NFATC1: variants seen among roughly 807,000 people sequenced by gnomAD.
NFATC1 encodes nuclear factor of activated T cells 1.
In NFATC1, 22 loss-of-function variants were observed where a neutral mutation model predicts 76.0. The observed-to-expected ratio is 0.29, with a 90% confidence interval of 0.21 to 0.41. The LOEUF is 0.41. Ranked by LOEUF, NFATC1 falls within the 10% of genes least tolerant of loss-of-function variation. The pLI, the probability that NFATC1 is intolerant of heterozygous loss-of-function variation, is 1.00. For missense variants in NFATC1, 1,357 were observed against 1,337.7 expected (o/e 1.01, Z -0.23); for synonymous variants, 704 against 613.1 (o/e 1.15, Z -2.19).
In NFATC1 at chr18:79,428,473, C is replaced by T. The variant is rs536696681; in HGVS notation, c.1227-5106C>T. 1.1e-3 allele frequency among the ~76,000 whole-genome samples: 162 copies of T among 152,324 alleles called. 2 individuals are homozygous for T. Among genetic ancestry groups the T allele is most frequent in the Non-Finnish European group, 6.6e-4 (45 of 68,034 alleles). Reference sequence around the variant, plus strand: ...TGCCTCCAGGGAGCCTCACGATGCTCACGCCTCTGACCAGTGGTTCTGCGC... The same window carrying T: ...TGCCTCCAGGGAGCCTCACGATGCTTACGCCTCTGACCAGTGGTTCTGCGC... On this transcript the variant is annotated intron_variant, in intron 2 of 9. Transcript: ENST00000427363.
intron 1 of NFATC1, chr18:79,402,352 C>T: frequency 1.0e-6 from 1 of 985,436 alleles, no homozygotes; most frequent in South Asian, 4.7e-5. Flanking sequence ...TCTCTCCTGA[C>T]CCAGAAGCAG....
intron 9 of NFATC1, among the ~76,000 whole-genome samples, chr18:79,501,737 A>C (rs2090020252): frequency 6.6e-6 from 1 of 152,042 alleles, no homozygotes; most frequent in Admixed American, 6.5e-5. Flanking sequence ...ATAATCCAAA[A>C]ATGAAATCAA....
chr18:79,411,592 C>T (rs1393033673), intron 2 of NFATC1, 91 bp downstream of exon 2: 12 of 1,031,400 alleles, frequency 1.2e-5, no homozygotes, highest in Non-Finnish European at 1.4e-5. Context: ...CGGCGCGGGG[C>T]GGCCGTGTCT....
At chr18:79,447,594 G>A (rs1447144291) in intron 3 of NFATC1, among the ~76,000 whole-genome samples, 2 of 152,184 alleles carry the variant, frequency 1.3e-5, no homozygotes, top group Non-Finnish European at 2.9e-5. Flanking sequence ...TGAGGCTGGC[G>A]CTCATCGGGC....
Position 79,491,586 on chromosome 18 carries a change from G to A in NFATC1, c.2782+4649G>A, listed in dbSNP as rs117693422. 6.4e-3 allele frequency among the ~76,000 whole-genome samples: 974 copies of A among 152,308 alleles called. 16 individuals carry two copies. The East Asian group carries it at 0.069, about 11-fold the overall frequency. ...TGGCCAGCCCCGAGCCCCGTGAGGT[G>A]CCTGTGGCAGGACGTGGGTATGGCA... On this transcript the variant is annotated intron_variant, in intron 9 of 9. Transcript: ENST00000427363.
At chr18:79,501,368 T>G (rs1260089070) in intron 9 of NFATC1, among the ~76,000 whole-genome samples, 3 of 152,102 alleles carry the variant, frequency 2.0e-5, no homozygotes, top group African/African-American at 7.2e-5. Flanking sequence ...AAAACAGTGA[T>G]CATCACACTG....
intron 6 of NFATC1, among the ~76,000 whole-genome samples, chr18:79,455,178 G>T (rs182595567): frequency 2.6e-5 from 4 of 152,216 alleles, no homozygotes; most frequent in African/African-American, 9.7e-5. Context: ...GTCTGTTCTG[G>T]TGCCGTTTTT....
At chr18:79,492,879 AAAAAAAG>A (rs2089726218) in intron 9 of NFATC1, among the ~76,000 whole-genome samples, 1 of 144,542 alleles carries the variant, frequency 6.9e-6, no homozygotes, top group South Asian at 2.1e-4. Flanking sequence ...ATCTCAAAAA[AAAAAAAG>A]AAAAATGAAT....
intron 1 of NFATC1, chr18:79,402,368 C>T (rs1197630718): frequency 2.4e-5 from 24 of 985,280 alleles, no homozygotes; most frequent in African/African-American, 5.2e-5. Context: ...AGCAGGTGGC[C>T]GCCTTCCAGG....
intron 1 of NFATC1, among the ~76,000 whole-genome samples, chr18:79,406,830 A>G (rs1458515485): frequency 6.6e-6 from 1 of 151,734 alleles, no homozygotes. Flanking sequence ...GCTTCCCCCG[A>G]GACCCCCAGC....
At chr18:79,425,180 T>TCC (rs2086271126) in intron 2 of NFATC1, among the ~76,000 whole-genome samples, 5 of 94,220 alleles carry the variant, frequency 5.3e-5, no homozygotes, top group African/African-American at 2.8e-4. Flanking sequence ...CATCTGTCTC[T>TCC]CTGTCTCTGT....
At chr18:79,454,153 G>A (rs1244109424) in intron 6 of NFATC1, among the ~76,000 whole-genome samples, 1 of 152,192 alleles carries the variant, frequency 6.6e-6, no homozygotes, top group Admixed American at 6.5e-5. Flanking sequence ...CGTCAGTAGG[G>A]CAGTTGAAGT....
chr18:79,448,239 G>A (rs373737357), intron 3 of NFATC1: 3 of 160,206 alleles, frequency 1.9e-5, no homozygotes, highest in East Asian at 3.7e-4. Flanking sequence ...ACGGCGTTGA[G>A]CGCTCCCCTG....
intron 9 of NFATC1, among the ~76,000 whole-genome samples, chr18:79,521,262 T>TG (rs2090551522): frequency 2.7e-4 from 13 of 47,694 alleles, no homozygotes; most frequent in East Asian, 1.1e-3. Flanking sequence ...CATGTGTGTG[T>TG]GGGGGCATCC....
At chr18:79,401,692 A>C (rs1237774920) in intron 1 of NFATC1, among the ~76,000 whole-genome samples, 3 of 152,190 alleles carry the variant, frequency 2.0e-5, no homozygotes, top group Non-Finnish European at 4.4e-5. Flanking sequence ...TATGGGGTGA[A>C]AGTCGGTCCC....
At chr18:79,492,571 T>TGGTGGCGGGCGC (rs1483449757) in intron 9 of NFATC1, among the ~76,000 whole-genome samples, 1 of 151,388 alleles carries the variant, frequency 6.6e-6, no homozygotes, top group East Asian at 1.9e-4. Context: ...TAGCCGGGAG[T>TGGTGGCGGGCGC]GGTGGCGGGC....
intron 9 of NFATC1, among the ~76,000 whole-genome samples, chr18:79,503,946 A>C (rs2090067997): frequency 1.3e-5 from 2 of 152,186 alleles, no homozygotes; most frequent in Non-Finnish European, 2.9e-5. Context: ...TGCTGGCTTC[A>C]AACTTTTTTT....
chr18:79,437,582 A>G (rs1292396227), intron 3 of NFATC1, among the ~76,000 whole-genome samples: 2 of 152,208 alleles, frequency 1.3e-5, no homozygotes, highest in African/African-American at 4.8e-5. Flanking sequence ...GAGGCATGAA[A>G]GTGATGCGTG....
intron 8 of NFATC1, among the ~76,000 whole-genome samples, chr18:79,485,231 G>A (rs1260479253): frequency 6.6e-6 from 1 of 152,236 alleles, no homozygotes; most frequent in Non-Finnish European, 1.5e-5. Flanking sequence ...GGAGAAAACA[G>A]GCTGAGGAGA....
Sources: allele counts gnomAD v4.1 joint callset (sites outside exome capture counted in the v4.1 genomes callset), GRCh38; gene constraint gnomAD v4.1.1; transcripts MANE v1.5; gene names NCBI Gene and HGNC (gene_info 2026-07-23, HGNC 2026-07-21).